Variants in PABIR2 observed in about 807,000 individuals in gnomAD.
The protein encoded by PABIR2 is family with sequence similarity 122B.
A neutral mutation model predicts 22.8 loss-of-function variants in PABIR2; 7 were observed. That is an observed-to-expected ratio of 0.31 (90% CI 0.17 to 0.58). PABIR2 has a LOEUF of 0.58. Among genes scored for constraint, PABIR2 ranks in the 20% least tolerant of loss-of-function variants. The pLI, the probability that PABIR2 is intolerant of heterozygous loss-of-function variation, is 0.89. For missense variants in PABIR2, 155 were observed against 205.1 expected, an observed-to-expected ratio of 0.76 and a Z score of 1.49; for synonymous variants, 67 against 73.8, an observed-to-expected ratio of 0.91 and a Z score of 0.47.
chrX:134,772,076 G>A lies in PABIR2; in HGVS notation c.*63C>T, dbSNP rs1434121947. On this transcript the variant is annotated 3_prime_UTR_variant, in exon 10 of 10. Transcript: ENST00000343004. ...CTCATTATGGATCAAAGTTCTCTGC[G>A]TTCCCCACTAAACATTTTATGTAGG... 1.2e-5 allele frequency: 14 copies of A among 1,134,684 alleles called. No individual in the cohort carries two copies. The highest frequency in any genetic ancestry group is 3.1e-5 in the East Asian group (1 of 32,131). The allele number at this position is 1,134,684 out of a possible 1,213,427, so 93.5% of individuals were successfully genotyped here. A position where few individuals can be genotyped will look rare whatever the true frequency, so the allele number is the denominator to read the frequency against.
chrX:134,773,698 C>T (rs750442495), intron 9 of PABIR2, among the ~76,000 whole-genome samples: 17 of 96,761 alleles, frequency 1.8e-4, no homozygotes, highest in Middle Eastern at 9.5e-3. Context: ...AAAAAAGCAT[C>T]GAATTGGAGA....
intron 2 of PABIR2, 141 bp from the exon 3 acceptor site, chrX:134,789,777 G>C (rs2079492389): frequency 2.0e-6 from 1 of 492,775 alleles, no homozygotes; most frequent in Non-Finnish European, 3.3e-6. Context: ...GAACGTTAAT[G>C]CACTAAAGGC....
chrX:134,774,317 A>G, intron 9 of PABIR2, among the ~76,000 whole-genome samples: 1 of 112,120 alleles, frequency 8.9e-6, no homozygotes, highest in Non-Finnish European at 1.9e-5. Context: ...CTTTTTGCCT[A>G]GACTAATATT....
intron 7 of PABIR2, among the ~76,000 whole-genome samples, chrX:134,786,929 G>A (rs1239235561): frequency 9.1e-6 from 1 of 110,341 alleles, no homozygotes; most frequent in Non-Finnish European, 1.9e-5. Context: ...CTAGCCTGGC[G>A]ACAGAGTGAG....
rs1409145138 is a variant in PABIR2, at chrX:134,782,254, C to A, written c.563-337G>T. On this transcript the variant is annotated intron_variant, in intron 8 of 9. Transcript: ENST00000343004. ...TTCCCAAATAACTGAAACTCACAGT[C>A]AATATTGTATGCTACATGGTTAGCA... Among the ~76,000 whole-genome samples the A allele has an allele frequency of 6.3e-5, 7 of 111,770 alleles. No homozygotes were observed. In the Admixed American group the frequency reaches 6.7e-4, roughly 11 times the overall value.
At chrX:134,777,883 TGG>T (rs1189710856) in intron 9 of PABIR2, among the ~76,000 whole-genome samples, 1 of 100,972 alleles carries the variant, frequency 9.9e-6, no homozygotes, top group Non-Finnish European at 2.0e-5. Flanking sequence ...TTTGTTTGGT[TGG>T]TTTTTTTTTT....
chrX:134,783,325 A>G (rs2079206536), intron 8 of PABIR2, among the ~76,000 whole-genome samples: 1 of 112,566 alleles, frequency 8.9e-6, no homozygotes, highest in African/African-American at 3.2e-5. Flanking sequence ...CTATGATTGG[A>G]AAGTTTTCAA....
At chrX:134,788,904 C>T (rs2079461660) in intron 5 of PABIR2, 73 bp from the exon 6 acceptor site, 1 of 1,023,828 alleles carries the variant, frequency 9.8e-7, no homozygotes, top group Non-Finnish European at 1.3e-6. Flanking sequence ...CTATAACACA[C>T]CCAGATTTTC....
At chrX:134,784,080 C>CA (rs760399864) in intron 8 of PABIR2, among the ~76,000 whole-genome samples, 1,362 of 48,307 alleles carry the variant, frequency 0.028, 30 homozygotes, top group African/African-American at 0.089. Context: ...GACCTTGCCT[C>CA]AAAAAAAAAA....
chrX:134,787,348 C>T (rs999095066), intron 7 of PABIR2, 124 bp downstream of exon 7: 36 of 603,879 alleles, frequency 6.0e-5, no homozygotes, highest in Admixed American at 8.1e-5. Context: ...AATCCACCAG[C>T]CTCGGCCTTC....
intron 8 of PABIR2, 77 bp from the exon 9 acceptor site, chrX:134,781,994 G>T: frequency 1.5e-6 from 1 of 673,338 alleles, no homozygotes; most frequent in Non-Finnish European, 2.2e-6. Context: ...GATGACCTTT[G>T]TTTAACCAAA....
intron 6 of PABIR2, among the ~76,000 whole-genome samples, chrX:134,788,054 TAC>T (rs2079397362): frequency 9.3e-6 from 1 of 107,975 alleles, no homozygotes; most frequent in African/African-American, 3.3e-5. Flanking sequence ...ATATGTAATA[TAC>T]ACGTTATATA....
chrX:134,781,799 T>A (rs1230651328), intron 9 of PABIR2, 22 bp downstream of exon 9: 1 of 1,118,296 alleles, frequency 8.9e-7, no homozygotes, highest in Non-Finnish European at 1.2e-6. Flanking sequence ...AATATACTTT[T>A]CATTTTATTT....
intron 9 of PABIR2, among the ~76,000 whole-genome samples, chrX:134,775,321 G>A (rs376818288): frequency 2.7e-5 from 3 of 110,013 alleles, no homozygotes; most frequent in African/African-American, 9.9e-5. Context: ...ACGAAGTCAG[G>A]AGATCGAGAC....
At chrX:134,787,882 T>C (rs1401895659) in intron 6 of PABIR2, among the ~76,000 whole-genome samples, 2 of 107,340 alleles carry the variant, frequency 1.9e-5, no homozygotes, top group African/African-American at 6.8e-5. Flanking sequence ...TCCTCCCACC[T>C]TGGCCTCCCA....
At chrX:134,786,473 G>A (rs182087943) in intron 7 of PABIR2, among the ~76,000 whole-genome samples, 3 of 108,269 alleles carry the variant, frequency 2.8e-5, no homozygotes, top group Admixed American at 9.9e-5. Flanking sequence ...AGCTGAGATC[G>A]CACCATTGCA....
chrX:134,792,615 A>G (rs2079578486), intron 2 of PABIR2, among the ~76,000 whole-genome samples: 1 of 111,976 alleles, frequency 8.9e-6, no homozygotes, highest in Admixed American at 9.5e-5. Flanking sequence ...AAATTATACC[A>G]AACAGAATTG....
rs1280411755 is a variant in PABIR2, at chrX:134,796,364, G to C, written c.-159C>G. 2.6e-6 allele frequency: 1 copy of C among 391,989 alleles called. No individual in the cohort carries two copies. Among genetic ancestry groups the C allele is most frequent in the African/African-American group, 2.7e-5 (1 of 36,553 alleles). The allele number at this position is 391,989 out of a possible 1,213,427, so 32.3% of individuals were successfully genotyped here. ...GGGGACGGGGGCGGGGGCTGGGGGC[G>C]GAGAAAAGTAGGAGAGGAGGAGGGA... On this transcript the variant is annotated 5_prime_UTR_variant, in exon 1 of 10. Transcript: ENST00000343004.
intron 8 of PABIR2, among the ~76,000 whole-genome samples, chrX:134,784,638 T>C (rs112315710): frequency 1.8e-5 from 2 of 110,111 alleles, no homozygotes; most frequent in African/African-American, 6.6e-5. Context: ...CACCAACGCC[T>C]GCTTAATTTT....
Sources: allele counts gnomAD v4.1 joint callset (sites outside exome capture counted in the v4.1 genomes callset), GRCh38; gene constraint gnomAD v4.1.1; transcripts MANE v1.5; gene names NCBI Gene and HGNC (gene_info 2026-07-23, HGNC 2026-07-21).